Variants in KCNB2 observed in about 807,000 individuals in gnomAD.
The protein encoded by KCNB2 is potassium voltage-gated channel subfamily B member 2, also known as delayed rectifier potassium channel protein.
Under a neutral mutation model 61.5 loss-of-function variants are expected in KCNB2, and 15 were observed. The ratio of observed to expected loss-of-function variants is 0.24; its 90% confidence interval spans 0.16 to 0.38. The LOEUF (loss-of-function observed/expected upper bound fraction) is 0.38, where lower values mean the gene tolerates loss of function less well. Ranked by LOEUF, KCNB2 falls within the 10% of genes least tolerant of loss-of-function variation. The probability of loss-of-function intolerance (pLI) is 1.00; values close to 1 mark genes in which losing one functional copy is unlikely to be tolerated. For synonymous variants in KCNB2, 457 were observed against 446.0 expected (o/e 1.02, Z -0.31); for missense variants, 828 against 1,125.2 (o/e 0.74, Z 3.78).
chr8:72,636,457 C>G (rs934980488), intron 2 of KCNB2, among the ~76,000 whole-genome samples: 12 of 152,058 alleles, frequency 7.9e-5, no homozygotes, highest in African/African-American at 2.7e-4. Context: ...AGCTCTAATC[C>G]TTTCATTTTG....
rs111731844 is a variant in KCNB2, at chr8:72,744,916, T to C, written c.579+176603T>C. The stretch of plus-strand genomic sequence containing the variant: ...AAATGTATTCTCTTTGCAATGGGCT[T>C]ATAGGCTGCCCCACTGGATCCTGTG... On this transcript the variant is annotated intron_variant, in intron 2 of 2. Transcript: ENST00000523207. 1.8e-3 allele frequency among the ~76,000 whole-genome samples: 280 copies of C among 152,304 alleles called. 2 individuals are homozygous for C. The highest frequency in any genetic ancestry group is 6.5e-3 in the African/African-American group (269 of 41,572).
intron 2 of KCNB2, chr8:72,750,247 C>T (rs1808166177): frequency 6.6e-6 from 1 of 152,102 alleles, no homozygotes; most frequent in Non-Finnish European, 1.5e-5. Flanking sequence ...TATTGTACAG[C>T]ATTCTCTTAT....
At chr8:72,656,297 A>G (rs973254219) in intron 2 of KCNB2, among the ~76,000 whole-genome samples, 1 of 152,200 alleles carries the variant, frequency 6.6e-6, no homozygotes, top group Non-Finnish European at 1.5e-5. Context: ...CTTAAAGACA[A>G]AGCAACTTGC....
At chr8:72,830,396 G>A (rs1809675082) in intron 2 of KCNB2, among the ~76,000 whole-genome samples, 1 of 152,034 alleles carries the variant, frequency 6.6e-6, no homozygotes, top group African/African-American at 2.4e-5. Context: ...AAGATTCAGG[G>A]CTATTCAAAA....
At chr8:72,592,189 AT>A (rs954091649) in intron 2 of KCNB2, among the ~76,000 whole-genome samples, 1 of 152,196 alleles carries the variant, frequency 6.6e-6, no homozygotes, top group Non-Finnish European at 1.5e-5. Context: ...CTGTTTCATG[AT>A]AAGGAAATTG....
intron 2 of KCNB2, among the ~76,000 whole-genome samples, chr8:72,909,259 T>C (rs1806237392): frequency 6.6e-6 from 1 of 152,130 alleles, no homozygotes; most frequent in African/African-American, 2.4e-5. Flanking sequence ...CCACAGGACA[T>C]GTGCTCTAAG....
intron 1 of KCNB2, among the ~76,000 whole-genome samples, chr8:72,566,296 A>G (rs908025575): frequency 6.6e-6 from 1 of 152,216 alleles, no homozygotes; most frequent in South Asian, 2.1e-4. Flanking sequence ...AAAGCATGTG[A>G]GTGGCAAGGT....
intron 2 of KCNB2, among the ~76,000 whole-genome samples, chr8:72,898,448 A>G: frequency 6.6e-6 from 1 of 152,216 alleles, no homozygotes; most frequent in East Asian, 1.9e-4. Context: ...TAATTTAAAA[A>G]AAGAAAAAAA....
At chr8:72,759,700 T>C (rs138861812) in intron 2 of KCNB2, among the ~76,000 whole-genome samples, 146 of 152,156 alleles carry the variant, frequency 9.6e-4, no homozygotes, top group African/African-American at 3.2e-3. Flanking sequence ...GAGATAGAGA[T>C]AGAGATAGAG....
chr8:72,686,531 A>G (rs1806856489), intron 2 of KCNB2, among the ~76,000 whole-genome samples: 1 of 152,074 alleles, frequency 6.6e-6, no homozygotes. Context: ...TTCTTATCTA[A>G]GAAACATGAA....
chr8:72,717,867 T>C (rs1251188818), intron 2 of KCNB2, among the ~76,000 whole-genome samples: 1 of 151,972 alleles, frequency 6.6e-6, no homozygotes, highest in Non-Finnish European at 1.5e-5. Flanking sequence ...ACCATCAGAG[T>C]GAACAGGCAA....
chr8:72,836,708 C>T (rs754484316), intron 2 of KCNB2, among the ~76,000 whole-genome samples: 7 of 152,074 alleles, frequency 4.6e-5, no homozygotes, highest in Admixed American at 6.6e-5. Context: ...CTCAGGAGTT[C>T]GAGACCAGCC....
At chr8:72,916,378 G>A (rs1438679157) in intron 2 of KCNB2, among the ~76,000 whole-genome samples, 1 of 152,130 alleles carries the variant, frequency 6.6e-6, no homozygotes, top group Admixed American at 6.5e-5. Context: ...CACTTGCTTG[G>A]TCCCGCTGTG....
At chr8:72,636,175 T>A (rs1233513788) in intron 2 of KCNB2, among the ~76,000 whole-genome samples, 1 of 152,196 alleles carries the variant, frequency 6.6e-6, no homozygotes, top group Non-Finnish European at 1.5e-5. Flanking sequence ...TCTATCCCAG[T>A]GTCTCTGAAA....
At chr8:72,686,407 G>T (rs141573855) in intron 2 of KCNB2, among the ~76,000 whole-genome samples, 1 of 152,052 alleles carries the variant, frequency 6.6e-6, no homozygotes, top group African/African-American at 2.4e-5. Context: ...GAGTGCAGTG[G>T]CACAATCATA....
chr8:72,931,232 G>A (rs1005140849), intron 2 of KCNB2, among the ~76,000 whole-genome samples: 3 of 152,164 alleles, frequency 2.0e-5, no homozygotes. Flanking sequence ...CAGGTAGCAT[G>A]ATGCCTCAAG....
At chr8:72,802,515 G>A (rs112451634) in intron 2 of KCNB2, among the ~76,000 whole-genome samples, 4,239 of 152,174 alleles carry the variant, frequency 0.028, 120 homozygotes, top group African/African-American at 0.073. Context: ...TGCTTATTTT[G>A]TTTTTTAATC....
intron 2 of KCNB2, among the ~76,000 whole-genome samples, chr8:72,735,839 G>T: frequency 6.6e-6 from 1 of 152,106 alleles, no homozygotes; most frequent in East Asian, 1.9e-4. Flanking sequence ...TGCTGTTAAT[G>T]GATGTTGTTA....
chr8:72,618,381 G>A (rs183378461), intron 2 of KCNB2, among the ~76,000 whole-genome samples: 1 of 152,114 alleles, frequency 6.6e-6, no homozygotes, highest in East Asian at 1.9e-4. Flanking sequence ...TTAAAAATAT[G>A]TTTGCTGTGT....
Sources: gnomAD v4.1 joint callset for allele counts (sites outside exome capture counted in the v4.1 genomes callset) on GRCh38, gnomAD v4.1.1 for gene constraint, MANE v1.5 for transcripts, NCBI Gene and HGNC (gene_info 2026-07-23, HGNC 2026-07-21) for gene names.